Variants in LYPLAL1 observed in about 807,000 individuals in gnomAD.
LYPLAL1 encodes the protein lysophospholipase-like protein 1.
In LYPLAL1, 23 loss-of-function variants were observed where a neutral mutation model predicts 19.7. The ratio of observed to expected loss-of-function variants is 1.17; its 90% CI spans 0.84 to 1.65. The LOEUF (loss-of-function observed/expected upper bound fraction) is 1.65. LYPLAL1 is among the 40% of genes most tolerant of loss of function. The pLI is 0.00. For missense variants in LYPLAL1, 355 were observed against 279.4 expected (o/e 1.27, Z -1.93); for synonymous variants, 119 against 96.3 (o/e 1.24, Z -1.38).
the LYPLAL1 span, among the ~76,000 whole-genome samples, chr1:219,336,862 G>A: frequency 6.6e-6 from 1 of 151,894 alleles, no homozygotes; most frequent in Non-Finnish European, 1.5e-5. Flanking sequence ...TTGAGATATA[G>A]GACTGTATTA....
At chr1:219,343,263 A>G in the LYPLAL1 span, among the ~76,000 whole-genome samples, 1 of 152,246 alleles carries the variant, frequency 6.6e-6, no homozygotes, top group East Asian at 1.9e-4. Context: ...AGATGAGCCC[A>G]AGGTCCTAGG....
the LYPLAL1 span, among the ~76,000 whole-genome samples, chr1:219,311,491 T>A: frequency 6.6e-6 from 1 of 151,962 alleles, no homozygotes; most frequent in African/African-American, 2.4e-5. Flanking sequence ...CAATCTTTGA[T>A]GTCATTTACA....
At chr1:219,305,343 T>C in the LYPLAL1 span, among the ~76,000 whole-genome samples, 1 of 152,078 alleles carries the variant, frequency 6.6e-6, no homozygotes, top group Admixed American at 6.5e-5. Context: ...GTAATTGGTG[T>C]AGGAAGCATA....
chr1:219,331,093 C>A, the LYPLAL1 span, among the ~76,000 whole-genome samples: 1 of 152,246 alleles, frequency 6.6e-6, no homozygotes. Context: ...CATTTGTGCT[C>A]TTGCCAGTAT....
chr1:219,229,294 T>TGAGAGAGAGAGAGAGAGAGAGAGAGAGA, the LYPLAL1 span, among the ~76,000 whole-genome samples: 15 of 133,018 alleles, frequency 1.1e-4, no homozygotes, highest in African/African-American at 3.1e-4. Flanking sequence ...ACAAGCATTT[T>TGAGAGAGAGAGAGAGAGAGAGAGAGAGA]GAGAGAGAGA....
chr1:219,301,138 A>G, the LYPLAL1 span, among the ~76,000 whole-genome samples: 1 of 152,176 alleles, frequency 6.6e-6, no homozygotes, highest in East Asian at 1.9e-4. Flanking sequence ...ACGATTCAAC[A>G]TTATTTATTC....
chr1:219,386,147 A>G, the LYPLAL1 span, among the ~76,000 whole-genome samples: 1 of 152,284 alleles, frequency 6.6e-6, no homozygotes, highest in Admixed American at 6.5e-5. Context: ...TCTAGCTCAA[A>G]TGTAAAATGG....
the LYPLAL1 span, among the ~76,000 whole-genome samples, chr1:219,380,020 A>ATG: frequency 6.6e-6 from 1 of 152,220 alleles, no homozygotes; most frequent in South Asian, 2.1e-4. Flanking sequence ...GTATATGTGG[A>ATG]TGGACACCAC....
chr1:219,205,045 A>T (rs1658440811), intron 3 of LYPLAL1, among the ~76,000 whole-genome samples: 2 of 152,176 alleles, frequency 1.3e-5, no homozygotes, highest in Non-Finnish European at 2.9e-5. Context: ...TGAGGGAATG[A>T]TGGCCTATTA....
the LYPLAL1 span, among the ~76,000 whole-genome samples, chr1:219,311,503 G>A: frequency 2.0e-5 from 3 of 149,112 alleles, no homozygotes; most frequent in Admixed American, 1.3e-4. Flanking sequence ...TCATTTACAC[G>A]TTGGCTTGCC....
At chr1:219,328,030 A>G in the LYPLAL1 span, among the ~76,000 whole-genome samples, 4 of 152,158 alleles carry the variant, frequency 2.6e-5, no homozygotes, top group Non-Finnish European at 5.9e-5. Context: ...GAGAATATTT[A>G]TCCTATACTT....
At chr1:219,243,016 G>A in the LYPLAL1 span, among the ~76,000 whole-genome samples, 19 of 152,180 alleles carry the variant, frequency 1.2e-4, no homozygotes, top group East Asian at 2.3e-3. Flanking sequence ...ACTGCAATCC[G>A]AAACAGGGGA....
the LYPLAL1 span, among the ~76,000 whole-genome samples, chr1:219,422,763 A>G: frequency 1.3e-5 from 2 of 152,188 alleles, no homozygotes; most frequent in Admixed American, 6.5e-5. Flanking sequence ...GCTTTTAACT[A>G]TCTGTGTGTG....
chr1:219,389,433 AG>A, the LYPLAL1 span, among the ~76,000 whole-genome samples: 1 of 152,178 alleles, frequency 6.6e-6, no homozygotes, highest in East Asian at 1.9e-4. Flanking sequence ...TAAGAGTTGT[AG>A]ATGGAGATTT....
chr1:219,235,901 G>A, the LYPLAL1 span, among the ~76,000 whole-genome samples: 2 of 152,120 alleles, frequency 1.3e-5, no homozygotes, highest in Admixed American at 1.3e-4. Context: ...CTGAGGTCGG[G>A]CATTTGTTTG....
chr1:219,272,656 C>CT, the LYPLAL1 span: 2 of 151,974 alleles, frequency 1.3e-5, no homozygotes, highest in African/African-American at 4.8e-5. Context: ...GTAATCCCAG[C>CT]TACTTGGAAA....
At chr1:219,333,403 G>T in the LYPLAL1 span, among the ~76,000 whole-genome samples, 1 of 151,928 alleles carries the variant, frequency 6.6e-6, no homozygotes, top group African/African-American at 2.4e-5. Flanking sequence ...ACAGTAGGCA[G>T]CTTGTACAGT....
the LYPLAL1 span, among the ~76,000 whole-genome samples, chr1:219,241,134 C>CTCTCTCTA: frequency 4.5e-3 from 198 of 44,324 alleles, 1 homozygote; most frequent in Middle Eastern, 0.016. Context: ...CTCTCTCTCT[C>CTCTCTCTA]TATATATATA....
chr1:219,412,241 T>C, the LYPLAL1 span, among the ~76,000 whole-genome samples: 1 of 152,084 alleles, frequency 6.6e-6, no homozygotes, highest in Admixed American at 6.5e-5. Context: ...TTGCCCAGGC[T>C]GGTTTCAAAC....
Sources: gnomAD v4.1 joint callset for allele counts (sites outside exome capture counted in the v4.1 genomes callset) on GRCh38, gnomAD v4.1.1 for gene constraint, MANE v1.5 for transcripts, NCBI Gene and HGNC (gene_info 2026-07-23, HGNC 2026-07-21) for gene names.